Variants in LIPA observed in about 807,000 individuals in gnomAD.
LIPA encodes the protein lipase A, lysosomal acid type.
Under a neutral mutation model 40.6 loss-of-function variants are expected in LIPA, and 26 were observed. The ratio of observed to expected loss-of-function variants is 0.64; its 90% confidence interval spans 0.47 to 0.89. The LOEUF is 0.89. Ranked by LOEUF, LIPA falls within the 40% of genes least tolerant of loss-of-function variation. The probability of loss-of-function intolerance (pLI) is 0.00; values close to 1 mark genes in which losing one functional copy is unlikely to be tolerated. For synonymous variants in LIPA, 188 were observed against 168.4 expected, an observed-to-expected ratio of 1.12 and a Z score of -0.90; for missense variants, 455 against 479.6, an observed-to-expected ratio of 0.95 and a Z score of 0.48.
intron 2 of LIPA, among the ~76,000 whole-genome samples, chr10:89,385,746 A>T (rs542043936): frequency 6.6e-6 from 1 of 152,346 alleles, no homozygotes; most frequent in East Asian, 1.9e-4. Context: ...TTTTGTTTAC[A>T]TGTGTCCAGC....
chr10:89,395,604 A>C lies in LIPA; in HGVS notation c.61+17187T>G, dbSNP rs566666175. 4.6e-5 allele frequency among the ~76,000 whole-genome samples: 7 copies of C among 152,326 alleles called. No homozygotes were observed. The South Asian group carries it at 1.5e-3, about 32-fold the overall frequency. ...TAAACTAAACACAGGTCAGGCAAGAACCACAAGGGCATCTGCCTGATATAA... is the reference window on the plus strand; with the variant it reads ...TAAACTAAACACAGGTCAGGCAAGACCCACAAGGGCATCTGCCTGATATAA... On this transcript the variant is annotated intron_variant, in intron 2 of 8. Transcript: ENST00000371837.
intron 1 of LIPA, among the ~76,000 whole-genome samples, chr10:89,317,291 A>G (rs1277631276): frequency 6.6e-6 from 1 of 152,226 alleles, no homozygotes; most frequent in Non-Finnish European, 1.5e-5. Context: ...GGATGTTTGA[A>G]CCCATGGCAA....
At chr10:89,373,076 G>A (rs182727963) in intron 2 of LIPA, among the ~76,000 whole-genome samples, 264 of 151,654 alleles carry the variant, frequency 1.7e-3, no homozygotes, top group Admixed American at 3.8e-3. Context: ...GCTCACGCCT[G>A]TAATCCCAGC....
At chr10:89,281,304 G>T (rs1843313375) in intron 1 of LIPA, among the ~76,000 whole-genome samples, 1 of 151,978 alleles carries the variant, frequency 6.6e-6, no homozygotes, top group African/African-American at 2.4e-5. Context: ...TCTTTCCCAG[G>T]CCTTGATATC....
chr10:89,374,862 C>T (rs1844111279), intron 2 of LIPA, among the ~76,000 whole-genome samples: 1 of 152,166 alleles, frequency 6.6e-6, no homozygotes, highest in Non-Finnish European at 1.5e-5. Context: ...TACTGCTGGG[C>T]TCTATGTGTA....
At chr10:89,334,956 C>T (rs183193526) in intron 1 of LIPA, among the ~76,000 whole-genome samples, 1 of 152,048 alleles carries the variant, frequency 6.6e-6, no homozygotes, top group African/African-American at 2.4e-5. Context: ...AGTGAGGAAA[C>T]CTTGGCAATT....
At chr10:89,268,508 A>G (rs1243102913) in intron 1 of LIPA, among the ~76,000 whole-genome samples, 4 of 152,174 alleles carry the variant, frequency 2.6e-5, no homozygotes, top group Non-Finnish European at 4.4e-5. Context: ...TTTGGTATGT[A>G]CTTTCAAACT....
chr10:89,293,645 C>T (rs1482628705), intron 1 of LIPA: 2 of 150,372 alleles, frequency 1.3e-5, no homozygotes, highest in African/African-American at 4.9e-5. Context: ...GCAGCCTTTT[C>T]TTTATCTTCA....
intron 1 of LIPA, chr10:89,306,888 A>G: frequency 2.5e-6 from 4 of 1,614,136 alleles, no homozygotes; most frequent in Non-Finnish European, 3.4e-6. Context: ...GGGAAAAGAA[A>G]GTTACTGGAA....
At chr10:89,381,011 A>C (rs994760050) in intron 2 of LIPA, among the ~76,000 whole-genome samples, 1 of 152,192 alleles carries the variant, frequency 6.6e-6, no homozygotes, top group African/African-American at 2.4e-5. Flanking sequence ...ATCTCAGTGA[A>C]AGCCAAAATC....
intron 1 of LIPA, chr10:89,292,474 G>C (rs775344741): frequency 6.6e-6 from 1 of 152,228 alleles, no homozygotes; most frequent in Non-Finnish European, 1.5e-5. Flanking sequence ...CCACTTTCAG[G>C]TGAGTGGCCC....
chr10:89,385,675 A>T (rs1844205372), intron 2 of LIPA, among the ~76,000 whole-genome samples: 1 of 152,204 alleles, frequency 6.6e-6, no homozygotes, highest in South Asian at 2.1e-4. Context: ...TCTATTTCCC[A>T]AGGCCCTACT....
chr10:89,402,206 A>G, intron 2 of LIPA: 1 of 898,196 alleles, frequency 1.1e-6, no homozygotes, highest in South Asian at 1.6e-5. Context: ...GCACTAAAAT[A>G]CAAGGTATTT....
intron 2 of LIPA, among the ~76,000 whole-genome samples, chr10:89,360,419 C>T (rs1486651843): frequency 6.6e-6 from 1 of 152,096 alleles, no homozygotes; most frequent in Admixed American, 6.5e-5. Flanking sequence ...AGAATGAAAC[C>T]CAGTCTACAT....
intron 1 of LIPA, among the ~76,000 whole-genome samples, chr10:89,311,296 G>A (rs1464887926): frequency 6.6e-6 from 1 of 152,056 alleles, no homozygotes; most frequent in African/African-American, 2.4e-5. Flanking sequence ...GCCAAGGAGG[G>A]TAGATCACCT....
In LIPA at chr10:89,275,695, T is replaced by C. The variant is rs142630838; in HGVS notation, c.-1-28046A>G. On this transcript the variant is annotated intron_variant, in intron 1 of 5. Coordinates refer to the LIPA transcript ENST00000282673. ...TCAGAGATATCGAGTGAAACTGGGA[T>C]TAGAAAACTAGTGATCTACTTTCAT... Among the ~76,000 whole-genome samples the C allele has an allele frequency of 2.6e-5, 4 of 152,356 alleles. No individual in the cohort carries two copies. The East Asian group carries it at 5.8e-4, about 22-fold the overall frequency.
chr10:89,370,557 A>T (rs752308461), intron 2 of LIPA, among the ~76,000 whole-genome samples: 11 of 152,056 alleles, frequency 7.2e-5, no homozygotes, highest in Non-Finnish European at 1.5e-4. Flanking sequence ...ACATTGCAGA[A>T]AGTCCTTTTG....
At chr10:89,269,350 T>C (rs893477464) in intron 1 of LIPA, among the ~76,000 whole-genome samples, 1 of 152,118 alleles carries the variant, frequency 6.6e-6, no homozygotes, top group African/African-American at 2.4e-5. Flanking sequence ...AGAAGTTTAG[T>C]TTATTTCTAT....
At position 89,339,372 on chromosome 10, in the gene LIPA, C is replaced by A. The variant is rs199752226; in HGVS notation, c.-2+3239G>T. 46 of 1,613,894 alleles carry A rather than the reference C, an allele frequency of 2.9e-5. No homozygotes were observed. In the East Asian group the frequency reaches 1.0e-3, roughly 35 times the overall value. On this transcript the variant is annotated intron_variant, in intron 1 of 5. Transcript: ENST00000282673. ...AAGAAGCCTTGGAAAAGTCTCCTTG[C>A]CAAACAGATGTCCTCCGCAGTGCAG...
Sources: allele counts gnomAD v4.1 joint callset (sites outside exome capture counted in the v4.1 genomes callset), GRCh38; gene constraint gnomAD v4.1.1; transcripts MANE v1.5; gene names NCBI Gene and HGNC (gene_info 2026-07-23, HGNC 2026-07-21).